Variants in FGF12 observed in about 807,000 individuals in gnomAD.
FGF12 encodes fibroblast growth factor 12B.
Under a neutral mutation model 23.6 loss-of-function variants are expected in FGF12, and 14 were observed. The observed-to-expected ratio is 0.59, with a 90% CI of 0.39 to 0.93. FGF12 has a LOEUF of 0.93. Ranked by LOEUF, FGF12 falls within the 40% of genes least tolerant of loss-of-function variation. FGF12 has a pLI of 0.00. For synonymous variants in FGF12, 62 were observed against 77.3 expected, an observed-to-expected ratio of 0.80 and a Z score of 1.04; for missense variants, 175 against 217.8, an observed-to-expected ratio of 0.80 and a Z score of 1.24.
intron 4 of FGF12, among the ~76,000 whole-genome samples, chr3:192,281,019 A>G (rs956614531): frequency 5.3e-5 from 8 of 152,120 alleles, no homozygotes; most frequent in African/African-American, 1.7e-4. Flanking sequence ...GGCCTCAGAA[A>G]TTTGTGGTGC....
chr3:192,688,331 C>T (rs1042480631), intron 2 of FGF12, among the ~76,000 whole-genome samples: 2 of 152,098 alleles, frequency 1.3e-5, no homozygotes, highest in Non-Finnish European at 2.9e-5. Context: ...CATGGCACGC[C>T]CCAGCATGCA....
intron 2 of FGF12, among the ~76,000 whole-genome samples, chr3:192,379,247 A>C (rs1719709229): frequency 6.6e-6 from 1 of 152,184 alleles, no homozygotes; most frequent in Non-Finnish European, 1.5e-5. Context: ...CATTTCCCAA[A>C]TGACTGTGTG....
At chr3:192,657,976 T>G (rs200091071) in intron 2 of FGF12, among the ~76,000 whole-genome samples, 3,142 of 151,016 alleles carry the variant, frequency 0.021, 110 homozygotes, top group African/African-American at 0.072. Context: ...CGAGACTATT[T>G]GGGTTTTTTT....
chr3:192,601,521 T>C (rs1030361365), intron 2 of FGF12, among the ~76,000 whole-genome samples: 15 of 152,248 alleles, frequency 9.9e-5, no homozygotes, highest in African/African-American at 3.6e-4. Context: ...ACATTACATG[T>C]ATTGCAAAAT....
rs59897483 is a variant in FGF12, at chr3:192,669,602, T to TAAAAA, written c.13+57574_13+57578dup. Among the ~76,000 whole-genome samples, 589 of 59,508 alleles carry TAAAAA rather than the reference T, an allele frequency of 9.9e-3. 10 individuals carry two copies. Among genetic ancestry groups the TAAAAA allele is most frequent in the East Asian group, 0.041 (84 of 2,058 alleles). 39.0% of individuals were successfully genotyped at this position (59,508 alleles called of 152,430 possible). ...CTGGAGACAGAGAAAGACTCTGTCT[T>TAAAAA]AAAAAAAAAAAAAAAAAAAAAAAAA... On this transcript the variant is annotated intron_variant, in intron 2 of 5. Coordinates refer to ENST00000445105, the MANE Select transcript of FGF12 (RefSeq NM_004113.6).
intron 2 of FGF12, among the ~76,000 whole-genome samples, chr3:192,724,821 G>A (rs1719157615): frequency 6.6e-6 from 1 of 152,166 alleles, no homozygotes; most frequent in Non-Finnish European, 1.5e-5. Flanking sequence ...AATGCTAGAG[G>A]TAATGTGAAA....
At chr3:192,686,672 C>A (rs1162782001) in intron 2 of FGF12, among the ~76,000 whole-genome samples, 1 of 151,716 alleles carries the variant, frequency 6.6e-6, no homozygotes, top group Non-Finnish European at 1.5e-5. Flanking sequence ...CTATACTCAG[C>A]AAGGAGATGT....
At chr3:192,522,775 G>T (rs1211076298) in intron 2 of FGF12, among the ~76,000 whole-genome samples, 2 of 152,110 alleles carry the variant, frequency 1.3e-5, no homozygotes, top group African/African-American at 4.8e-5. Flanking sequence ...AATATGAATA[G>T]ATCTGTGAAA....
intron 2 of FGF12, among the ~76,000 whole-genome samples, chr3:192,599,909 T>G (rs979600888): frequency 1.3e-5 from 2 of 152,138 alleles, no homozygotes; most frequent in African/African-American, 4.8e-5. Flanking sequence ...CCCATTTGTT[T>G]ATATTTACTT....
At chr3:192,485,713 C>A (rs531173917) in intron 2 of FGF12, among the ~76,000 whole-genome samples, 27 of 152,010 alleles carry the variant, frequency 1.8e-4, no homozygotes, top group Non-Finnish European at 3.4e-4. Flanking sequence ...AGTAAAAAAA[C>A]CAAGAAATTA....
intron 3 of FGF12, among the ~76,000 whole-genome samples, chr3:192,355,125 C>T (rs1015642765): frequency 6.6e-6 from 1 of 152,206 alleles, no homozygotes; most frequent in South Asian, 2.1e-4. Context: ...GAAGAAAGCA[C>T]ATACCCTTGA....
At chr3:192,256,940 C>A (rs1489636200) in intron 4 of FGF12, among the ~76,000 whole-genome samples, 1 of 152,072 alleles carries the variant, frequency 6.6e-6, no homozygotes, top group Non-Finnish European at 1.5e-5. Flanking sequence ...GTTTCCAAGT[C>A]TGGATTTCAA....
chr3:192,417,756 T>C (rs1721400520), intron 2 of FGF12, among the ~76,000 whole-genome samples: 1 of 152,054 alleles, frequency 6.6e-6, no homozygotes, highest in Non-Finnish European at 1.5e-5. Context: ...GAACCCTTGA[T>C]AAAACCCTGC....
intron 2 of FGF12, among the ~76,000 whole-genome samples, chr3:192,699,516 A>G (rs1718228565): frequency 6.6e-6 from 1 of 152,168 alleles, no homozygotes; most frequent in East Asian, 1.9e-4. Flanking sequence ...GAGCACAATG[A>G]TCTAGGACAC....
At chr3:192,179,487 T>C (rs958045423) in intron 4 of FGF12, among the ~76,000 whole-genome samples, 2 of 151,602 alleles carry the variant, frequency 1.3e-5, no homozygotes, top group Non-Finnish European at 2.9e-5. Flanking sequence ...GTTACTTAAT[T>C]TCTCTGAAAC....
intron 4 of FGF12, among the ~76,000 whole-genome samples, chr3:192,292,002 G>A (rs1714782097): frequency 6.6e-6 from 1 of 152,112 alleles, no homozygotes; most frequent in Non-Finnish European, 1.5e-5. Context: ...GAAATAGGAA[G>A]GCAAATCATA....
chr3:192,415,607 T>C (rs576439037), intron 2 of FGF12, among the ~76,000 whole-genome samples: 3 of 152,150 alleles, frequency 2.0e-5, no homozygotes, highest in African/African-American at 7.2e-5. Flanking sequence ...CCTAAAATTC[T>C]CTGCCTAAAT....
At chr3:192,662,098 T>A (rs1293604089) in intron 2 of FGF12, among the ~76,000 whole-genome samples, 1 of 151,966 alleles carries the variant, frequency 6.6e-6, no homozygotes, top group Non-Finnish European at 1.5e-5. Context: ...CCAGCGTATG[T>A]CCAAAAGAAA....
At chr3:192,698,267 A>C (rs1179280123) in intron 2 of FGF12, among the ~76,000 whole-genome samples, 1 of 152,194 alleles carries the variant, frequency 6.6e-6, no homozygotes, top group African/African-American at 2.4e-5. Flanking sequence ...AAAACTATAT[A>C]CTATATATGA....
Sources: allele counts gnomAD v4.1 joint callset (sites outside exome capture counted in the v4.1 genomes callset), GRCh38; gene constraint gnomAD v4.1.1; transcripts MANE v1.5; gene names NCBI Gene and HGNC (gene_info 2026-07-23, HGNC 2026-07-21).